The following EDARADD variants were observed in gnomAD, a reference collection of about 807,000 sequenced individuals.
EDARADD encodes the protein ectodysplasin-A receptor-associated adapter protein.
Under a neutral mutation model 25.6 loss-of-function variants are expected in EDARADD, and 20 were observed. The ratio of observed to expected loss-of-function variants is 0.78; its 90% CI spans 0.55 to 1.14. The LOEUF (loss-of-function observed/expected upper bound fraction) is 1.14. EDARADD is among the 50% of genes most tolerant of loss of function. The pLI is 0.00. For synonymous variants in EDARADD, 86 were observed against 94.4 expected, an observed-to-expected ratio of 0.91 and a Z score of 0.52; for missense variants, 225 against 270.1, an observed-to-expected ratio of 0.83 and a Z score of 1.17.
chr1:236,396,981 T>G (rs1282968957), intron 1 of EDARADD, among the ~76,000 whole-genome samples: 50 of 73,646 alleles, frequency 6.8e-4, no homozygotes, highest in South Asian at 1.7e-3. Flanking sequence ...GGGTGGGGGG[T>G]GGGGGAATTC....
chr1:236,385,256 A>C (rs1301280842), intron 3 of EDARADD, among the ~76,000 whole-genome samples: 1 of 151,488 alleles, frequency 6.6e-6, no homozygotes, highest in East Asian at 1.9e-4. Flanking sequence ...AGAATCCAAA[A>C]AAATTAGCCA....
rs929516838 is a variant in EDARADD at position 236,483,340 on chromosome 1, G to A, written c.*691G>A. On this transcript the variant is annotated 3_prime_UTR_variant, in exon 6 of 6. Transcript: ENST00000334232. ...GACAATGATAAGACTCGCTATATGG[G>A]GAAGGGTGTCTCAAAGCCTGTTGAG... The A allele has an allele frequency of 3.8e-6, 6 of 1,586,152 alleles. No individual in the cohort carries two copies. The African/African-American group carries it at 6.7e-5, about 18-fold the overall frequency.
chr1:236,361,484 C>T (rs1667048332), intron 3 of EDARADD, among the ~76,000 whole-genome samples: 1 of 151,792 alleles, frequency 6.6e-6, no homozygotes, highest in Admixed American at 6.6e-5. Context: ...TGCCCACCAC[C>T]ACACCCAGCT....
chr1:236,363,006 A>AATATATATATATATATATATATATAT (rs1184705463), intron 3 of EDARADD, among the ~76,000 whole-genome samples: 7 of 42,942 alleles, frequency 1.6e-4, no homozygotes, highest in South Asian at 9.4e-4. Context: ...AAAAAAAAAA[A>AATATATATATATATATATATATATAT]ATATATATAT....
intron 3 of EDARADD, among the ~76,000 whole-genome samples, chr1:236,375,655 CAA>C (rs34232960): frequency 1.2e-4 from 9 of 74,552 alleles, no homozygotes; most frequent in Non-Finnish European, 1.3e-4. Flanking sequence ...GACTTGGTCT[CAA>C]AAAAAAAAAA....
chr1:236,449,351 G>C (rs627305), intron 4 of EDARADD, among the ~76,000 whole-genome samples: 1 of 152,216 alleles, frequency 6.6e-6, no homozygotes, highest in African/African-American at 2.4e-5. Context: ...AATTCAGTCC[G>C]TAACAGCACA....
intron 3 of EDARADD, among the ~76,000 whole-genome samples, chr1:236,368,057 A>T (rs886504242): frequency 3.9e-5 from 6 of 152,210 alleles, no homozygotes; most frequent in African/African-American, 7.2e-5. Context: ...CAGCCTGGGC[A>T]ACATAGTGAG....
intron 3 of EDARADD, among the ~76,000 whole-genome samples, chr1:236,385,520 TCCAGA>T (rs1344381823): frequency 6.6e-6 from 1 of 151,430 alleles, no homozygotes; most frequent in Non-Finnish European, 1.5e-5. Context: ...GGTAAAGGGT[TCCAGA>T]CCAGCCTGGC....
chr1:236,430,058 A>T lies in EDARADD; in HGVS notation c.219+2608A>T, dbSNP rs567845349. Among the ~76,000 whole-genome samples the T allele has an allele frequency of 3.9e-5, 6 of 152,362 alleles. No homozygotes were observed. In the South Asian group the frequency reaches 1.2e-3, roughly 32 times the overall value. ...GCTGGGTAGTCAAATCACCTCTGTAAGAAAGAGAAGTTACACAATAGTTGA... is the reference window on the plus strand; with the variant it reads ...GCTGGGTAGTCAAATCACCTCTGTATGAAAGAGAAGTTACACAATAGTTGA... On this transcript the variant is annotated intron_variant, in intron 4 of 5. Transcript: ENST00000334232.
At chr1:236,380,248 G>C (rs1401779668) in intron 3 of EDARADD, among the ~76,000 whole-genome samples, 1 of 152,188 alleles carries the variant, frequency 6.6e-6, no homozygotes, top group Non-Finnish European at 1.5e-5. Flanking sequence ...TGTAAGTTGA[G>C]ATAGGAAAAA....
chr1:236,388,690 A>AT (rs1667385607), intron 3 of EDARADD, among the ~76,000 whole-genome samples: 2 of 152,236 alleles, frequency 1.3e-5, no homozygotes, highest in Admixed American at 6.5e-5. Flanking sequence ...TTGTTGTCAT[A>AT]TAAGAAAGCT....
chr1:236,455,312 C>T (rs929425656), intron 4 of EDARADD, among the ~76,000 whole-genome samples: 3 of 152,138 alleles, frequency 2.0e-5, no homozygotes, highest in South Asian at 2.1e-4. Context: ...TCTGCAGACC[C>T]GAAGTCATTA....
chr1:236,474,611 A>T (rs1460508769), intron 5 of EDARADD, among the ~76,000 whole-genome samples: 1 of 152,196 alleles, frequency 6.6e-6, no homozygotes, highest in African/African-American at 2.4e-5. Context: ...TTTTCCATCA[A>T]TATCTATTTA....
At chr1:236,419,645 A>C (rs1442773808) in intron 3 of EDARADD, among the ~76,000 whole-genome samples, 1 of 152,000 alleles carries the variant, frequency 6.6e-6, no homozygotes, top group Non-Finnish European at 1.5e-5. Flanking sequence ...AGAGCTCAGC[A>C]CTCTGACTGA....
chr1:236,373,979 A>G (rs1667198180), intron 3 of EDARADD, among the ~76,000 whole-genome samples: 1 of 152,166 alleles, frequency 6.6e-6, no homozygotes, highest in African/African-American at 2.4e-5. Flanking sequence ...TTTTCCAGAT[A>G]TCTTTTTATT....
upstream of EDARADD, among the ~76,000 whole-genome samples, chr1:236,393,391 C>CTTTTTTTTTTTTTTTTTTTTTTTTTTTT (rs761525038): frequency 2.9e-4 from 25 of 87,200 alleles, 2 homozygotes; most frequent in African/African-American, 8.8e-4. Flanking sequence ...TTCTTTCTTT[C>CTTTTTTTTTTTTTTTTTTTTTTTTTTTT]TTTTTTTTTT....
chr1:236,476,884 C>T (rs1571959308), intron 5 of EDARADD, among the ~76,000 whole-genome samples: 1 of 151,560 alleles, frequency 6.6e-6, no homozygotes, highest in African/African-American at 2.4e-5. Context: ...GCCAGCTACT[C>T]GGGAGGCTGA....
At chr1:236,400,159 C>A (rs1177048642) in intron 1 of EDARADD, among the ~76,000 whole-genome samples, 2 of 152,222 alleles carry the variant, frequency 1.3e-5, no homozygotes, top group African/African-American at 4.8e-5. Context: ...TTTCCCAATG[C>A]TCACTTCATT....
intron 1 of EDARADD, among the ~76,000 whole-genome samples, chr1:236,397,401 A>AAAAT (rs35347057): frequency 0.18 from 27,342 of 151,148 alleles, 2,554 homozygotes; most frequent in Middle Eastern, 0.26. Flanking sequence ...CCTGTATCTC[A>AAAAT]AAATAAATAA....
Sources: gnomAD v4.1 joint callset for allele counts (sites outside exome capture counted in the v4.1 genomes callset) on GRCh38, gnomAD v4.1.1 for gene constraint, MANE v1.5 for transcripts, NCBI Gene and HGNC (gene_info 2026-07-23, HGNC 2026-07-21) for gene names.